Variants in PPP1R12B observed in about 807,000 individuals in gnomAD.
PPP1R12B encodes the protein protein phosphatase 1 regulatory subunit 12B.
PPP1R12B carries 76 observed loss-of-function variants against 126.1 expected under a neutral mutation model. That is an observed-to-expected ratio of 0.60 (90% confidence interval 0.50 to 0.73). The LOEUF (loss-of-function observed/expected upper bound fraction) is 0.73. Among genes scored for constraint, PPP1R12B ranks in the 30% least tolerant of loss-of-function variants. PPP1R12B has a pLI of 0.00. For synonymous variants in PPP1R12B, 356 were observed against 434.7 expected (o/e 0.82, Z 2.25); for missense variants, 1,052 against 1,205.1 (o/e 0.87, Z 1.88).
At chr1:202,349,287 G>A (rs1655475715) in intron 1 of PPP1R12B, 145 bp downstream of exon 1, 1 of 982,166 alleles carries the variant, frequency 1.0e-6, no homozygotes, top group South Asian at 1.6e-5. Flanking sequence ...TTTCATTCTT[G>A]GCCAGCTTCC....
chr1:202,469,241 T>C (rs1488619739), intron 13 of PPP1R12B, among the ~76,000 whole-genome samples: 2 of 152,218 alleles, frequency 1.3e-5, no homozygotes, highest in African/African-American at 2.4e-5. Flanking sequence ...GTGGGTAGAA[T>C]AGCACTTTTT....
intron 1 of PPP1R12B, among the ~76,000 whole-genome samples, chr1:202,376,453 T>G (rs1661184579): frequency 6.6e-6 from 1 of 152,190 alleles, no homozygotes; most frequent in Non-Finnish European, 1.5e-5. Flanking sequence ...CTTGCAAAAT[T>G]TAGACAATTT....
chr1:202,478,553 C>T (rs796637701), intron 13 of PPP1R12B, among the ~76,000 whole-genome samples: 9 of 151,992 alleles, frequency 5.9e-5, no homozygotes, highest in African/African-American at 2.2e-4. Flanking sequence ...CATATATTGA[C>T]ACAGGTTACA....
intron 2 of PPP1R12B, among the ~76,000 whole-genome samples, chr1:202,420,967 C>CTTTTTTTTTTTTTTTTTT (rs56164548): frequency 3.4e-5 from 4 of 118,570 alleles, no homozygotes; most frequent in African/African-American, 1.0e-4. Context: ...CCTCTGCCAA[C>CTTTTTTTTTTTTTTTTTT]TTTTTTTTTT....
rs147777664 is a variant in PPP1R12B at position 202,434,380 on chromosome 1, T to C, written c.1142-276T>C. Among the ~76,000 whole-genome samples, 1,296 of 152,292 alleles carry C rather than the reference T, an allele frequency of 8.5e-3. 10 individuals are homozygous for C. The highest frequency in any genetic ancestry group is 0.037 in the Middle Eastern group (11 of 294). On this transcript the variant is annotated intron_variant, in intron 8 of 23. Transcript: ENST00000608999. ...AGATCCCCAAAGGACAGATTATAGA[T>C]GGATTTTATATATGATATAATAATG...
At position 202,488,462 on chromosome 1, in the gene PPP1R12B, A is replaced by G. The variant is rs1006022745; in HGVS notation, c.1851-71A>G. Reference sequence around the variant, plus strand: ...ATGTAGAAATCTCTTCAATATGTGGAAACACTTTGTCATTCCTCAAGTATA... The same window carrying G: ...ATGTAGAAATCTCTTCAATATGTGGGAACACTTTGTCATTCCTCAAGTATA... On this transcript the variant is annotated intron_variant, in intron 13 of 23. Coordinates refer to ENST00000608999, the MANE Select transcript of PPP1R12B (RefSeq NM_002481.4). 3 of 1,205,554 alleles carry G rather than the reference A, an allele frequency of 2.5e-6. No homozygotes were observed. The African/African-American group carries it at 4.6e-5, about 18-fold the overall frequency. 74.7% of individuals were successfully genotyped at this position (1,205,554 alleles called of 1,614,324 possible).
At chr1:202,462,291 TAA>T (rs1674405887) in intron 13 of PPP1R12B, among the ~76,000 whole-genome samples, 1 of 152,164 alleles carries the variant, frequency 6.6e-6, no homozygotes, top group Non-Finnish European at 1.5e-5. Flanking sequence ...GAGCCTTGAA[TAA>T]AAGAGTCTAT....
chr1:202,558,138 A>T (rs1011986758), intron 18 of PPP1R12B, among the ~76,000 whole-genome samples: 4 of 141,694 alleles, frequency 2.8e-5, no homozygotes, highest in East Asian at 2.0e-4. Context: ...AGAGTTCTTT[A>T]AAAAAAAAAA....
At chr1:202,489,305 G>A (rs1322340839) in intron 14 of PPP1R12B, among the ~76,000 whole-genome samples, 11 of 152,124 alleles carry the variant, frequency 7.2e-5, no homozygotes, top group Admixed American at 6.5e-4. Context: ...ATCCCTAAGG[G>A]AAAAGAGTTT....
At chr1:202,494,955 A>G (rs1355283621) in intron 15 of PPP1R12B, among the ~76,000 whole-genome samples, 25 of 152,116 alleles carry the variant, frequency 1.6e-4, no homozygotes, top group Admixed American at 1.6e-3. Flanking sequence ...TAAAAAGGCC[A>G]TCATTCTTAT....
Position 202,446,622 on chromosome 1 carries a change from A to G in PPP1R12B, c.1668-2367A>G, listed in dbSNP as rs146765897. Among the ~76,000 whole-genome samples the G allele has an allele frequency of 5.8e-3, 875 of 149,984 alleles. 12 individuals carry two copies. The highest frequency in any genetic ancestry group is 0.02 in the African/African-American group (841 of 41,078). On this transcript the variant is annotated intron_variant, in intron 12 of 23. Coordinates refer to ENST00000608999, the MANE Select transcript of PPP1R12B (RefSeq NM_002481.4). ...ATAATAATACTATATTGCTATTACT[A>G]TAACTATTAAGAGCTGCAACTGAGA...
chr1:202,446,213 A>ACTCTCT (rs3077313), intron 12 of PPP1R12B, among the ~76,000 whole-genome samples: 1,487 of 63,734 alleles, frequency 0.023, 13 homozygotes, highest in South Asian at 0.032. Context: ...ATATTATATT[A>ACTCTCT]CTCTCTCTCT....
chr1:202,352,790 A>G (rs1656263396), intron 1 of PPP1R12B, among the ~76,000 whole-genome samples: 1 of 152,126 alleles, frequency 6.6e-6, no homozygotes, highest in Non-Finnish European at 1.5e-5. Context: ...GGGGAGGCTG[A>G]GGCAGGAGAA....
At chr1:202,437,052 C>T (rs189917970) in intron 9 of PPP1R12B, among the ~76,000 whole-genome samples, 1 of 152,124 alleles carries the variant, frequency 6.6e-6, no homozygotes, top group Non-Finnish European at 1.5e-5. Context: ...TCATTCCTGG[C>T]AGGGCATGGG....
chr1:202,472,314 G>A (rs1347968765), intron 13 of PPP1R12B, among the ~76,000 whole-genome samples: 1 of 151,968 alleles, frequency 6.6e-6, no homozygotes, highest in Non-Finnish European at 1.5e-5. Context: ...TACATTTTGT[G>A]TGTTTAGTTT....
chr1:202,574,194 A>G (rs1452844237), intron 23 of PPP1R12B, among the ~76,000 whole-genome samples: 1 of 151,820 alleles, frequency 6.6e-6, no homozygotes. Context: ...AGCTTAAATA[A>G]TAGGCCTCTC....
chr1:202,371,259 G>T (rs552998073), intron 1 of PPP1R12B, among the ~76,000 whole-genome samples: 22 of 149,502 alleles, frequency 1.5e-4, no homozygotes, highest in African/African-American at 5.2e-4. Flanking sequence ...GGGCTCAAGC[G>T]ATCCTCCTAC....
rs763206500 is a variant in PPP1R12B, at chr1:202,545,084, A to G, written c.2491-13793A>G. 2.0e-5 allele frequency among the ~76,000 whole-genome samples: 3 copies of G among 152,224 alleles called. No individual in the cohort carries two copies. The South Asian group carries it at 6.2e-4, about 31-fold the overall frequency. Reference sequence around the variant, plus strand: ...CTGATGCACTACCAATCTGGAATCCATTTTTACTCCACTTTATAATCCGTT... The same window carrying G: ...CTGATGCACTACCAATCTGGAATCCGTTTTTACTCCACTTTATAATCCGTT... On this transcript the variant is annotated intron_variant, in intron 18 of 23. Coordinates refer to ENST00000608999, the MANE Select transcript of PPP1R12B (RefSeq NM_002481.4).
chr1:202,430,701 C>G (rs1355273902), intron 6 of PPP1R12B, 30 bp from the exon 7 acceptor site: 1 of 1,609,380 alleles, frequency 6.2e-7, no homozygotes, highest in Admixed American at 1.7e-5. Context: ...TCAACTTCTT[C>G]CCTTTTCTCT....
Sources: gnomAD v4.1 joint callset for allele counts (sites outside exome capture counted in the v4.1 genomes callset) on GRCh38, gnomAD v4.1.1 for gene constraint, MANE v1.5 for transcripts, NCBI Gene and HGNC (gene_info 2026-07-23, HGNC 2026-07-21) for gene names.